Variants in ADAMTSL1 observed in about 807,000 individuals in gnomAD.
The protein encoded by ADAMTSL1 is ADAMTS like 1.
Under a neutral mutation model 201.8 loss-of-function variants are expected in ADAMTSL1, and 126 were observed. The observed-to-expected ratio is 0.62, with a 90% CI of 0.54 to 0.72. The LOEUF (loss-of-function observed/expected upper bound fraction) is 0.72. Ranked by LOEUF, ADAMTSL1 falls within the 30% of genes least tolerant of loss-of-function variation. The probability of loss-of-function intolerance (pLI) is 0.00; values close to 1 mark genes in which losing one functional copy is unlikely to be tolerated. For synonymous variants in ADAMTSL1, 1,121 were observed against 903.4 expected (o/e 1.24, Z -4.32); for missense variants, 2,679 against 2,277.8 (o/e 1.18, Z -3.59).
rs748129356 is a variant in ADAMTSL1, at chr9:18,721,577, C to T, written c.1918C>T (p.Arg640Trp). ...GGTGAGCTGCTTGAACAAACAGACT[C>T]GGGAGCCTGCTGAGGAGAACCTGTG... ...AVVSCLNKQT[R>W]EPAEENLCVT... Residue 640 changes from arginine to tryptophan, a missense_variant, in exon 15 of 29, where the codon CGG becomes TGG. Transcript: ENST00000380548. 20 of 1,613,970 alleles carry T rather than the reference C, an allele frequency of 1.2e-5. No individual in the cohort carries two copies. Among genetic ancestry groups the T allele is most frequent in the Non-Finnish European group, 1.4e-5 (16 of 1,179,866 alleles).
intron 2 of ADAMTSL1, among the ~76,000 whole-genome samples, chr9:18,435,973 T>G (rs1819713917): frequency 6.6e-6 from 1 of 152,158 alleles, no homozygotes. Flanking sequence ...CCAAACCATA[T>G]CATGCAGTTA....
intron 1 of ADAMTSL1, among the ~76,000 whole-genome samples, chr9:18,147,970 A>G (rs922062215): frequency 5.9e-5 from 9 of 152,078 alleles, no homozygotes; most frequent in Non-Finnish European, 4.4e-5. Context: ...ACTAGACTGT[A>G]AGACCATGGA....
rs142533331 is a variant in ADAMTSL1 at position 18,790,902 on chromosome 9, G to A, written c.3678-4495G>A. 4.7e-3 allele frequency among the ~76,000 whole-genome samples: 708 copies of A among 152,254 alleles called. 6 individuals carry two copies. The highest frequency in any genetic ancestry group is 0.016 in the African/African-American group (678 of 41,554). On this transcript the variant is annotated intron_variant, in intron 19 of 28. Coordinates refer to ENST00000380548, the MANE Select transcript of ADAMTSL1 (RefSeq NM_001040272.6). The stretch of plus-strand genomic sequence containing the variant: ...GCATGACCACAGTACCACTTGCTAT[G>A]TAGGTCTTAATTGTACCCATTCTAT...
chr9:18,336,522 A>T (rs189862932), intron 2 of ADAMTSL1, among the ~76,000 whole-genome samples: 1 of 152,186 alleles, frequency 6.6e-6, no homozygotes. Context: ...AGGGCTAAAT[A>T]TGTAAAAAGT....
At chr9:18,373,411 T>C (rs1837137975) in intron 2 of ADAMTSL1, among the ~76,000 whole-genome samples, 1 of 152,214 alleles carries the variant, frequency 6.6e-6, no homozygotes, top group African/African-American at 2.4e-5. Flanking sequence ...CGCCTTATAA[T>C]ATTCCAGTCA....
At chr9:18,462,737 G>T (rs1352302317) in intron 2 of ADAMTSL1, among the ~76,000 whole-genome samples, 1 of 151,948 alleles carries the variant, frequency 6.6e-6, no homozygotes, top group African/African-American at 2.4e-5. Context: ...TCAGGAGTTT[G>T]AGACCAGCCT....
intron 1 of ADAMTSL1, among the ~76,000 whole-genome samples, chr9:17,955,098 A>G (rs989944593): frequency 2.6e-5 from 4 of 152,196 alleles, no homozygotes; most frequent in African/African-American, 9.6e-5. Flanking sequence ...GTGTGTGTAT[A>G]CGATATATCG....
chr9:17,938,169 C>G (rs1414866703), intron 1 of ADAMTSL1, among the ~76,000 whole-genome samples: 1 of 152,128 alleles, frequency 6.6e-6, no homozygotes, highest in Non-Finnish European at 1.5e-5. Flanking sequence ...GTGCACTCGT[C>G]TCTAATTTAC....
chr9:18,061,315 A>T (rs1023364674), intron 1 of ADAMTSL1, among the ~76,000 whole-genome samples: 2 of 152,156 alleles, frequency 1.3e-5, no homozygotes, highest in African/African-American at 4.8e-5. Flanking sequence ...TTTCTTTCAC[A>T]TAGTTTTCCT....
intron 15 of ADAMTSL1, among the ~76,000 whole-genome samples, chr9:18,734,432 T>G (rs2133501614): frequency 6.6e-6 from 1 of 152,270 alleles, no homozygotes; most frequent in South Asian, 2.1e-4. Flanking sequence ...GCTCTAATCC[T>G]TGGGAGGGTG....
intron 2 of ADAMTSL1, among the ~76,000 whole-genome samples, chr9:18,309,105 T>C (rs1044707037): frequency 1.3e-5 from 2 of 152,146 alleles, no homozygotes; most frequent in African/African-American, 4.8e-5. Flanking sequence ...TCTCAATAGA[T>C]GCAGAAAAAA....
chr9:18,141,274 G>A (rs1482325040), intron 1 of ADAMTSL1, among the ~76,000 whole-genome samples: 1 of 152,060 alleles, frequency 6.6e-6, no homozygotes, highest in Non-Finnish European at 1.5e-5. Context: ...AAGGAGGTTT[G>A]GGTTCCTCAT....
intron 2 of ADAMTSL1, among the ~76,000 whole-genome samples, chr9:18,392,065 C>A (rs1838074384): frequency 6.6e-6 from 1 of 151,930 alleles, no homozygotes; most frequent in Non-Finnish European, 1.5e-5. Flanking sequence ...ACCTCGTGAT[C>A]CGCCCGCCTC....
chr9:18,857,466 G>A (rs1262860788), intron 23 of ADAMTSL1, among the ~76,000 whole-genome samples: 1 of 152,180 alleles, frequency 6.6e-6, no homozygotes, highest in African/African-American at 2.4e-5. Context: ...GATTGGATGT[G>A]CCTGATGTTT....
At chr9:18,319,747 A>G (rs59656656) in intron 2 of ADAMTSL1, among the ~76,000 whole-genome samples, 2,813 of 152,260 alleles carry the variant, frequency 0.018, 82 homozygotes, top group African/African-American at 0.065. Flanking sequence ...AATAGAGTCT[A>G]TGGTTGGCAG....
intron 1 of ADAMTSL1, among the ~76,000 whole-genome samples, chr9:17,916,707 T>C (rs1018520688): frequency 6.6e-6 from 1 of 152,206 alleles, no homozygotes; most frequent in African/African-American, 2.4e-5. Context: ...TTGAGTGGTA[T>C]AGCCTTATAA....
At chr9:18,395,837 G>C (rs533766143) in intron 2 of ADAMTSL1, among the ~76,000 whole-genome samples, 21 of 152,282 alleles carry the variant, frequency 1.4e-4, no homozygotes, top group Non-Finnish European at 2.6e-4. Flanking sequence ...CACCATCCTA[G>C]AGGCTGAACT....
At chr9:18,151,125 G>T (rs1826890805) in intron 1 of ADAMTSL1, among the ~76,000 whole-genome samples, 1 of 151,998 alleles carries the variant, frequency 6.6e-6, no homozygotes, top group Non-Finnish European at 1.5e-5. Flanking sequence ...TGAATACATA[G>T]ATCCAAATGT....
chr9:18,369,866 A>G (rs927184537), intron 2 of ADAMTSL1, among the ~76,000 whole-genome samples: 4 of 152,222 alleles, frequency 2.6e-5, no homozygotes, highest in Admixed American at 1.3e-4. Context: ...TTGTCTTATC[A>G]TTACCTGGAG....
Sources: gnomAD v4.1 joint callset for allele counts (sites outside exome capture counted in the v4.1 genomes callset) on GRCh38, gnomAD v4.1.1 for gene constraint, MANE v1.5 for transcripts, NCBI Gene and HGNC (gene_info 2026-07-23, HGNC 2026-07-21) for gene names.